LRG1: variants seen among roughly 807,000 people sequenced by gnomAD.
The protein encoded by LRG1 is leucine rich alpha-2-glycoprotein 1.
In LRG1, 1 loss-of-function variant was observed where a neutral mutation model predicts 2.4. The ratio of observed to expected loss-of-function variants is 0.41; its 90% confidence interval spans 0.15 to 1.95. The LOEUF is 1.95. LRG1 is among the 30% of genes most tolerant of loss of function. LRG1 has a pLI of 0.30. For missense variants in LRG1, 425 were observed against 436.9 expected (o/e 0.97, Z 0.24); for synonymous variants, 226 against 210.6 (o/e 1.07, Z -0.63).
Position 4,537,966 on chromosome 19 carries a change from G to A in LRG1, c.1018C>T (p.Leu340Phe). Residue 340 changes from leucine to phenylalanine, a missense_variant, in exon 2 of 2, where the codon CTC (leucine) becomes TTC (phenylalanine). By Grantham distance (22) the Leu-to-Phe change is conservative (BLOSUM62 0). Transcript: ENST00000306390. ...AGPEAVKGQT[L>F]LAVAKSQ ...CACTGGGACTTGGCCACTGCCAGGA[G>A]CGTCTGGCCCTTCACGGCTTCAGGC... The A allele has an allele frequency of 6.2e-7, 1 of 1,611,868 alleles. No homozygotes were observed. The highest frequency in any genetic ancestry group is 8.5e-7 in the Non-Finnish European group (1 of 1,178,524).
At chr19:4,539,185 C>A in intron 1 of LRG1, 1 of 372,626 alleles carries the variant, frequency 2.7e-6, no homozygotes. Context: ...AATTATAATT[C>A]TAGGAAAGTT....
Position 4,538,969 on chromosome 19 carries a change from A to G in LRG1, c.33-18T>C. ...CCCCTGGGCTGCAGGCAGTAACAGA[A>G]GATGCTTACTAAACCACAGTGAAAA... is the stretch of plus-strand genomic sequence containing the variant. On this transcript the variant is annotated intron_variant, in intron 1 of 1. Coordinates refer to ENST00000306390, the MANE Select transcript of LRG1 (RefSeq NM_052972.3). 2 of 1,497,110 alleles carry G rather than the reference A, an allele frequency of 1.3e-6. No homozygotes were observed. Among genetic ancestry groups the G allele is most frequent in the Non-Finnish European group, 1.8e-6 (2 of 1,122,170 alleles). 92.7% of individuals were successfully genotyped at this position (1,497,110 alleles called of 1,614,324 possible).
Position 4,538,046 on chromosome 19 carries a change from C to T in LRG1, c.938G>A (p.Trp313Ter). Reference protein sequence around the residue: ...CDQNLSDLYRWLQAQKDKMFS... With the variant: ...CDQNLSDLYR The stretch of plus-strand genomic sequence containing the variant: ...CATCTTGTCTTTTTGGGCCTGAAGC[C>T]AACGATAGAGGTCGCTCAGGTTCTG... Residue 313 changes from tryptophan to a stop codon, truncating the protein, a stop_gained, in exon 2 of 2, where the codon TGG (tryptophan) becomes TAG (stop). Transcript: ENST00000306390. LOFTEE classifies it low-confidence loss of function (END_TRUNC). 6.2e-7 allele frequency: 1 copy of T among 1,614,190 alleles called. No individual in the cohort carries two copies. The highest frequency in any genetic ancestry group is 8.5e-7 in the Non-Finnish European group (1 of 1,180,048).
In LRG1 at chr19:4,538,162, G is replaced by A. The variant is rs116362029; in HGVS notation, c.822C>T (p.Ser274=). Residue 274 remains serine (S), a synonymous_variant, in exon 2 of 2, where the codon AGC becomes AGT. Coordinates refer to ENST00000306390, the MANE Select transcript of LRG1 (RefSeq NM_052972.3). The part of the protein sequence containing the change: ...MLDLSNNSLA[S]VPEGLWASLG... ...GGGATGCCCAGAGCCCCTCGGGCAC[G>A]CTGGCCAGTGAGTTATTGGAGAGGT... 548 of 1,613,984 alleles carry A rather than the reference G, an allele frequency of 3.4e-4. 1 individual carries two copies. The African/African-American group carries it at 5.9e-3, about 17-fold the overall frequency.
In LRG1 at chr19:4,536,679, G is replaced by A. The variant is rs527607012; in HGVS notation, c.*1261C>T. On this transcript the variant is annotated 3_prime_UTR_variant, in exon 2 of 2. Transcript: ENST00000306390. ...CTGCCTCAGCCTCCCAAAGTGTTTGGATTACAGGCATGAGCCACGGCGCCA... is the reference window on the plus strand; with the variant it reads ...CTGCCTCAGCCTCCCAAAGTGTTTGAATTACAGGCATGAGCCACGGCGCCA... 1 of 152,402 alleles carries A rather than the reference G, an allele frequency of 6.6e-6. No homozygotes were observed. The highest frequency in any genetic ancestry group is 1.9e-4 in the East Asian group (1 of 5,176). The allele number at this position is 152,402 out of a possible 1,614,324, so 9.4% of individuals were successfully genotyped here. A position where few individuals can be genotyped will look rare whatever the true frequency, so the allele number is the denominator to read the frequency against.
Position 4,537,915 on chromosome 19 carries a change from C to CCA in LRG1, c.*23_*24dup, listed in dbSNP as rs1213144593. The stretch of plus-strand genomic sequence containing the variant: ...GGGTTGCAGTGTTCTACCAGACCCC[C>CCA]CACCCTCAACCCAAGCCCCTGGTCT... On this transcript the variant is annotated 3_prime_UTR_variant, in exon 2 of 2. Transcript: ENST00000306390. 1 of 1,588,276 alleles carries CCA rather than the reference C, an allele frequency of 6.3e-7. No homozygotes were observed. The highest frequency in any genetic ancestry group is 8.6e-7 in the Non-Finnish European group (1 of 1,165,400).
chr19:4,538,215 G>C lies in LRG1; in HGVS notation c.769C>G (p.Gln257Glu), dbSNP rs1976968912. ...AGCATGTCCAGCTGCCGCAGGCCCT[G>C]GAAGGCACCGGCTGCCACCCTGGCC... ...KLARVAAGAF[Q>E]GLRQLDMLDL... The change falls in exon 2 of 2, where the codon CAG becomes GAG. Residue 257 changes from glutamine to glutamate, a missense_variant. Transcript: ENST00000306390. 1 of 1,614,030 alleles carries C rather than the reference G, an allele frequency of 6.2e-7. No homozygotes were observed.
chr19:4,539,096 G>C (rs1976984655), intron 1 of LRG1, 145 bp from the exon 2 acceptor site: 2 of 688,224 alleles, frequency 2.9e-6, no homozygotes, highest in Non-Finnish European at 4.2e-6. Flanking sequence ...ACCTGTACTA[G>C]GGCAGTTGCT....
In LRG1 at chr19:4,537,931, C is replaced by G. The variant is rs113966212; in HGVS notation, c.*9G>C. 70 of 1,603,576 alleles carry G rather than the reference C, an allele frequency of 4.4e-5. 1 individual carries two copies. The African/African-American group carries it at 5.2e-4, about 12-fold the overall frequency. On this transcript the variant is annotated 3_prime_UTR_variant, in exon 2 of 2. Coordinates refer to ENST00000306390, the MANE Select transcript of LRG1 (RefSeq NM_052972.3). ...CCAGACCCCCCACCCTCAACCCAAG[C>G]CCCTGGTCTCACTGGGACTTGGCCA...
Position 4,537,819 on chromosome 19 carries a change from G to A in LRG1, c.*121C>T, listed in dbSNP as rs1412793113. 1.8e-6 allele frequency: 2 copies of A among 1,115,380 alleles called. No individual in the cohort carries two copies. The highest frequency in any genetic ancestry group is 2.8e-5 in the Admixed American group (1 of 35,988). 69.1% of individuals were successfully genotyped at this position (1,115,380 alleles called of 1,614,324 possible). ...CCTGACCTCGTGATCCGCCCACCTGGGCCTCCCAAAGTGCTGGGATTACAG... is the reference window on the plus strand; with the variant it reads ...CCTGACCTCGTGATCCGCCCACCTGAGCCTCCCAAAGTGCTGGGATTACAG... On this transcript the variant is annotated 3_prime_UTR_variant, in exon 2 of 2. Transcript: ENST00000306390.
At position 4,537,932 on chromosome 19, in the gene LRG1, C is replaced by A. The variant is rs749364803; in HGVS notation, c.*8G>T. ...CAGACCCCCCACCCTCAACCCAAGCCCCTGGTCTCACTGGGACTTGGCCAC... is the reference window on the plus strand; with the variant it reads ...CAGACCCCCCACCCTCAACCCAAGCACCTGGTCTCACTGGGACTTGGCCAC... On this transcript the variant is annotated 3_prime_UTR_variant, in exon 2 of 2. Coordinates refer to ENST00000306390, the MANE Select transcript of LRG1 (RefSeq NM_052972.3). 3 of 1,604,324 alleles carry A rather than the reference C, an allele frequency of 1.9e-6. No individual in the cohort carries two copies. The highest frequency in any genetic ancestry group is 1.7e-4 in the Middle Eastern group (1 of 5,922).
At position 4,538,233 on chromosome 19, in the gene LRG1, C is replaced by T. The variant is rs936057535; in HGVS notation, c.751G>A (p.Val251Met). The T allele has an allele frequency of 1.9e-6, 3 of 1,613,954 alleles. No homozygotes were observed. Residue 251 changes from valine (V) to methionine (M), a missense_variant, in exon 2 of 2, where the codon GTG (valine) becomes ATG (methionine). Transcript: ENST00000306390. Reference sequence around the variant, plus strand: ...AGGCCCTGGAAGGCACCGGCTGCCACCCTGGCCAGCTTGTTGCCGTTCAGG... The same window carrying T: ...AGGCCCTGGAAGGCACCGGCTGCCATCCTGGCCAGCTTGTTGCCGTTCAGG... ...LFLNGNKLAR[V>M]AAGAFQGLRQ...
chr19:4,538,292 A>C lies in LRG1; in HGVS notation c.692T>G (p.Leu231Arg), dbSNP rs1976970778. The C allele has an allele frequency of 6.2e-7, 1 of 1,614,080 alleles. No homozygotes were observed. The highest frequency in any genetic ancestry group is 1.7e-5 in the Admixed American group (1 of 60,006). The change falls in exon 2 of 2, where the codon CTC (leucine) becomes CGC (arginine). Residue 231 changes from leucine (L) to arginine (R), a missense_variant. Transcript: ENST00000306390. ...GCGCAGGTCCGGCTGCGGCAAGAGG[A>C]GATCTTTTCCCAGTACTTGCAATTT... is the stretch of plus-strand genomic sequence containing the variant. ...GNKLQVLGKD[L>R]LLPQPDLRYL...
chr19:4,539,771 C>T (rs1328791479), intron 1 of LRG1, among the ~76,000 whole-genome samples: 4 of 152,194 alleles, frequency 2.6e-5, no homozygotes, highest in Non-Finnish European at 2.9e-5. Context: ...AAGCCTCCCC[C>T]GGCTCCCTGC....
chr19:4,538,185 G>A lies in LRG1; in HGVS notation c.799C>T (p.Leu267Phe). 1 of 1,614,074 alleles carries A rather than the reference G, an allele frequency of 6.2e-7. No homozygotes were observed. Among genetic ancestry groups the A allele is most frequent in the Non-Finnish European group, 8.5e-7 (1 of 1,180,036 alleles). ...ACGCTGGCCAGTGAGTTATTGGAGAGGTCCAGCATGTCCAGCTGCCGCAGG... is the reference window on the plus strand; with the variant it reads ...ACGCTGGCCAGTGAGTTATTGGAGAAGTCCAGCATGTCCAGCTGCCGCAGG... The part of the protein sequence containing the change: ...QGLRQLDMLD[L>F]SNNSLASVPE... The change falls in exon 2 of 2, where the codon CTC (leucine) becomes TTC (phenylalanine). Residue 267 changes from leucine (L) to phenylalanine (F), a missense_variant. By Grantham distance (22) the Leu-to-Phe change is conservative (BLOSUM62 0). Coordinates refer to ENST00000306390, the MANE Select transcript of LRG1 (RefSeq NM_052972.3).
In LRG1 at chr19:4,538,479, G is replaced by C. The variant is rs1976974325; in HGVS notation, c.505C>G (p.Leu169Val). 10 of 1,614,054 alleles carry C rather than the reference G, an allele frequency of 6.2e-6. No individual in the cohort carries two copies. The highest frequency in any genetic ancestry group is 8.5e-6 in the Non-Finnish European group (10 of 1,180,038). Residue 169 changes from leucine to valine, a missense_variant, in exon 2 of 2, where the codon CTG (leucine) becomes GTG (valine). Coordinates refer to ENST00000306390, the MANE Select transcript of LRG1 (RefSeq NM_052972.3). ...WLHGLKALGH[L>V]DLSGNRLRKL... ...CGGAGGCGGTTCCCAGACAGGTCCA[G>C]ATGCCCCAGAGCTTTCAGGCCGTGT...
intron 1 of LRG1, among the ~76,000 whole-genome samples, chr19:4,539,490 A>G (rs1400387121): frequency 6.6e-6 from 1 of 152,210 alleles, no homozygotes; most frequent in Non-Finnish European, 1.5e-5. Context: ...GTTCAGGTTC[A>G]TGTTTTTGAG....
Position 4,536,668 on chromosome 19 carries a change from C to A in LRG1, c.*1272G>T, listed in dbSNP as rs1043652339. ...CGGTGATCTGCCTGCCTCAGCCTCC[C>A]AAAGTGTTTGGATTACAGGCATGAG... On this transcript the variant is annotated 3_prime_UTR_variant, in exon 2 of 2. Coordinates refer to ENST00000306390, the MANE Select transcript of LRG1 (RefSeq NM_052972.3). 2 of 152,262 alleles carry A rather than the reference C, an allele frequency of 1.3e-5. No homozygotes were observed. Among genetic ancestry groups the A allele is most frequent in the African/African-American group, 4.8e-5 (2 of 41,438 alleles). The allele number at this position is 152,262 out of a possible 1,614,324, so 9.4% of individuals were successfully genotyped here.
At position 4,538,320 on chromosome 19, in the gene LRG1, T is replaced by C; in HGVS notation, c.664A>G (p.Asn222Asp). ...TCTTTTCCCAGTACTTGCAATTTGT[T>C]GCCTTCTAGATGTAGCCGTTCTAAT... Reference protein sequence around the residue: ...LQLERLHLEGNKLQVLGKDLL... With the variant: ...LQLERLHLEGDKLQVLGKDLL... Residue 222 changes from asparagine to aspartate, a missense_variant, in exon 2 of 2, where the codon AAC becomes GAC. Asn to Asp is a conservative substitution (Grantham distance 23, BLOSUM62 1). Coordinates refer to ENST00000306390, the MANE Select transcript of LRG1 (RefSeq NM_052972.3). 1 of 1,614,230 alleles carries C rather than the reference T, an allele frequency of 6.2e-7. No individual in the cohort carries two copies. Among genetic ancestry groups the C allele is most frequent in the African/African-American group, 1.3e-5 (1 of 75,072 alleles).
Sources: gnomAD v4.1 joint callset for allele counts (sites outside exome capture counted in the v4.1 genomes callset) on GRCh38, gnomAD v4.1.1 for gene constraint, MANE v1.5 for transcripts, NCBI Gene and HGNC (gene_info 2026-07-23, HGNC 2026-07-21) for gene names.